NOL4: variants seen among roughly 807,000 people sequenced by gnomAD.
The protein encoded by NOL4 is cancer/testis antigen 125.
A neutral mutation model predicts 75.9 loss-of-function variants in NOL4; 17 were observed. The ratio of observed to expected loss-of-function variants is 0.22; its 90% CI spans 0.15 to 0.34. The LOEUF is 0.34. NOL4 is among the 10% of genes least tolerant of loss of function. The pLI, the probability that NOL4 is intolerant of heterozygous loss-of-function variation, is 1.00. For synonymous variants in NOL4, 292 were observed against 289.9 expected (o/e 1.01, Z -0.07); for missense variants, 614 against 793.5 (o/e 0.77, Z 2.72).
intron 7 of NOL4, 108 bp from the exon 8 acceptor site, chr18:33,957,625 C>A: frequency 1.2e-6 from 1 of 829,282 alleles, no homozygotes; most frequent in Admixed American, 3.2e-5. Context: ...CTGGTTTATG[C>A]ACTGGAGAAC....
At position 34,204,883 on chromosome 18, in the gene NOL4, T is replaced by G. The variant is rs774766240; in HGVS notation, c.264+18107A>C. On this transcript the variant is annotated intron_variant, in intron 1 of 10. Transcript: ENST00000261592. ...GCATCACATCACATGTATTGTTAAA[T>G]GTACTCATTTAATCATCACAATAAC... is the stretch of plus-strand genomic sequence containing the variant. Among the ~76,000 whole-genome samples, 4 of 152,286 alleles carry G rather than the reference T, an allele frequency of 2.6e-5. No individual in the cohort carries two copies. In the South Asian group the frequency reaches 8.3e-4, roughly 32 times the overall value.
chr18:34,125,734 CA>C lies in NOL4; in HGVS notation c.414+4136del, dbSNP rs1290079696. Among the ~76,000 whole-genome samples the C allele has an allele frequency of 5.3e-5, 8 of 151,752 alleles. No individual in the cohort carries two copies. In the East Asian group the frequency reaches 1.4e-3, roughly 26 times the overall value. On this transcript the variant is annotated intron_variant, in intron 2 of 10. Coordinates refer to ENST00000261592, the MANE Select transcript of NOL4 (RefSeq NM_003787.5). ...TATCTCTGGAAAGGAATATTCCATT[CA>C]TATTAAAAGCATTTTTTTAAAAAAA...
At chr18:33,967,164 A>G (rs1351230528) in intron 6 of NOL4, among the ~76,000 whole-genome samples, 1 of 152,132 alleles carries the variant, frequency 6.6e-6, no homozygotes, top group Non-Finnish European at 1.5e-5. Flanking sequence ...GAGCCTAGAA[A>G]TAAAGCCACA....
intron 1 of NOL4, among the ~76,000 whole-genome samples, chr18:34,140,811 C>T (rs1275177343): frequency 6.6e-6 from 1 of 152,044 alleles, no homozygotes; most frequent in Non-Finnish European, 1.5e-5. Flanking sequence ...TTTGCAGTGG[C>T]TGATACTGGT....
At chr18:34,051,632 G>A (rs1297148282) in intron 5 of NOL4, among the ~76,000 whole-genome samples, 2 of 152,062 alleles carry the variant, frequency 1.3e-5, no homozygotes, top group African/African-American at 2.4e-5. Context: ...CACTGTGCCT[G>A]TCTTCAGTGA....
At chr18:34,090,157 T>C (rs909913723) in intron 5 of NOL4, among the ~76,000 whole-genome samples, 8 of 152,142 alleles carry the variant, frequency 5.3e-5, no homozygotes, top group African/African-American at 1.4e-4. Context: ...GAGAGTACCA[T>C]TGTCAGAAGG....
chr18:33,882,773 A>G (rs2064375768), intron 10 of NOL4, among the ~76,000 whole-genome samples: 1 of 152,126 alleles, frequency 6.6e-6, no homozygotes, highest in South Asian at 2.1e-4. Context: ...TTATTGCGGC[A>G]CTGTTCACAA....
chr18:34,164,630 T>G (rs1209112077), intron 1 of NOL4, among the ~76,000 whole-genome samples: 1 of 152,084 alleles, frequency 6.6e-6, no homozygotes, highest in Non-Finnish European at 1.5e-5. Context: ...GGAACACTTT[T>G]ACACTGTTGG....
chr18:34,208,304 T>G (rs1280158822), intron 1 of NOL4, among the ~76,000 whole-genome samples: 1 of 152,130 alleles, frequency 6.6e-6, no homozygotes. Flanking sequence ...TAACCAGCAC[T>G]GGAACCCTAT....
intron 5 of NOL4, among the ~76,000 whole-genome samples, chr18:34,076,180 A>T (rs1228936272): frequency 1.3e-5 from 2 of 152,290 alleles, no homozygotes; most frequent in Admixed American, 1.3e-4. Context: ...ATGAATTATG[A>T]AAAGGTTCCC....
Position 34,224,429 on chromosome 18 carries a change from T to C in NOL4, c.-1176A>G, listed in dbSNP as rs1023154110. On this transcript the variant is annotated 5_prime_UTR_variant, in exon 1 of 11. Transcript: ENST00000261592. ...AATATGAGTTCCTCTGGACTATTTT[T>C]CCAAGCAGATGAAGTCAGCAGTTGC... 1 of 152,230 alleles carries C rather than the reference T, an allele frequency of 6.6e-6. No homozygotes were observed. Among genetic ancestry groups the C allele is most frequent in the Non-Finnish European group, 1.5e-5 (1 of 68,080 alleles). The allele number at this position is 152,230 out of a possible 1,614,324, so 9.4% of individuals were successfully genotyped here. A position where few individuals can be genotyped will look rare whatever the true frequency, so the allele number is the denominator to read the frequency against.
chr18:34,129,821 A>G lies in NOL4; in HGVS notation c.414+50T>C, dbSNP rs777686957. 8 of 1,486,566 alleles carry G rather than the reference A, an allele frequency of 5.4e-6. No homozygotes were observed. The South Asian group carries it at 9.8e-5, about 18-fold the overall frequency. 92.1% of individuals were successfully genotyped at this position (1,486,566 alleles called of 1,614,324 possible). ...CGAACCCATTTAAACAAGGATACAT[A>G]ATATCAAGTCTCGAAATGCATGCTC... On this transcript the variant is annotated intron_variant, in intron 2 of 10. Coordinates refer to ENST00000261592, the MANE Select transcript of NOL4 (RefSeq NM_003787.5).
intron 9 of NOL4, among the ~76,000 whole-genome samples, chr18:33,890,936 T>C (rs926022970): frequency 6.6e-6 from 1 of 151,880 alleles, no homozygotes; most frequent in African/African-American, 2.4e-5. Context: ...GGCTGGAAAG[T>C]GGTCAAACCA....
chr18:33,947,082 C>T lies in NOL4; in HGVS notation c.1429-3904G>A, dbSNP rs946199081. ...GCATTTGGTTATAAGATAGCAAAGACAAAAGTTTAAAAAAATTTCTCTATA... is the reference window on the plus strand; with the variant it reads ...GCATTTGGTTATAAGATAGCAAAGATAAAAGTTTAAAAAAATTTCTCTATA... On this transcript the variant is annotated intron_variant, in intron 8 of 10. Coordinates refer to ENST00000261592, the MANE Select transcript of NOL4 (RefSeq NM_003787.5). 5.3e-5 allele frequency among the ~76,000 whole-genome samples: 8 copies of T among 151,726 alleles called. No homozygotes were observed. In the East Asian group the frequency reaches 7.7e-4, roughly 15 times the overall value.
chr18:33,884,035 A>C (rs2064480598), intron 9 of NOL4, among the ~76,000 whole-genome samples: 1 of 152,126 alleles, frequency 6.6e-6, no homozygotes, highest in Non-Finnish European at 1.5e-5. Flanking sequence ...GCACTACTGC[A>C]CAACCATGTG....
intron 6 of NOL4, among the ~76,000 whole-genome samples, chr18:33,987,056 G>GT (rs2072516193): frequency 6.6e-6 from 1 of 152,020 alleles, no homozygotes; most frequent in African/African-American, 2.4e-5. Context: ...GTGGGAATTT[G>GT]GGGGGATATT....
intron 4 of NOL4, among the ~76,000 whole-genome samples, chr18:34,097,177 T>C (rs1234369785): frequency 2.0e-5 from 3 of 152,164 alleles, no homozygotes; most frequent in Non-Finnish European, 4.4e-5. Flanking sequence ...GCCCTATCCA[T>C]TGTTTATCAA....
intron 6 of NOL4, among the ~76,000 whole-genome samples, chr18:34,003,022 C>T (rs2073822070): frequency 1.3e-5 from 2 of 152,166 alleles, no homozygotes; most frequent in East Asian, 3.9e-4. Flanking sequence ...CAGGAAAACC[C>T]ACTCAAAATC....
chr18:34,176,221 A>G (rs1372934411), intron 1 of NOL4, among the ~76,000 whole-genome samples: 1 of 152,152 alleles, frequency 6.6e-6, no homozygotes, highest in African/African-American at 2.4e-5. Context: ...TCTTAGTAGC[A>G]TATTTGAACA....
Sources: gnomAD v4.1 joint callset for allele counts (sites outside exome capture counted in the v4.1 genomes callset) on GRCh38, gnomAD v4.1.1 for gene constraint, MANE v1.5 for transcripts, NCBI Gene and HGNC (gene_info 2026-07-23, HGNC 2026-07-21) for gene names.